The following MYO9A variants were observed in gnomAD, a reference collection of about 807,000 sequenced individuals.
MYO9A encodes unconventional myosin-IXa.
Under a neutral mutation model 293.3 loss-of-function variants are expected in MYO9A, and 103 were observed. The observed-to-expected ratio is 0.35, with a 90% confidence interval of 0.30 to 0.41. MYO9A has a LOEUF of 0.41. Among genes scored for constraint, MYO9A ranks in the 10% least tolerant of loss-of-function variants. The pLI, the probability that MYO9A is intolerant of heterozygous loss-of-function variation, is 1.00. For missense variants in MYO9A, 2,685 were observed against 3,033.0 expected (o/e 0.89, Z 2.69); for synonymous variants, 1,001 against 1,035.7 (o/e 0.97, Z 0.64).
chr15:72,055,072 T>C (rs2078682215), intron 1 of MYO9A, among the ~76,000 whole-genome samples: 1 of 152,108 alleles, frequency 6.6e-6, no homozygotes, highest in South Asian at 2.1e-4. Context: ...CAAAAGTGGG[T>C]GCTGAAAGAA....
At chr15:72,077,102 G>A (rs1204698238) in intron 1 of MYO9A, among the ~76,000 whole-genome samples, 1 of 151,928 alleles carries the variant, frequency 6.6e-6, no homozygotes, top group East Asian at 1.9e-4. Context: ...ATATCTGAGT[G>A]TACCACACAA....
chr15:71,930,168 A>G (rs1239555249), intron 18 of MYO9A, among the ~76,000 whole-genome samples: 1 of 152,124 alleles, frequency 6.6e-6, no homozygotes, highest in African/African-American at 2.4e-5. Flanking sequence ...ACGAATGTGT[A>G]TTCTGCTGCT....
At chr15:72,100,919 G>T (rs2080271235) in intron 1 of MYO9A, among the ~76,000 whole-genome samples, 1 of 125,690 alleles carries the variant, frequency 8.0e-6, no homozygotes, top group Non-Finnish European at 1.7e-5. Flanking sequence ...GGAGGGAGGT[G>T]GGGGGGGTCA....
intron 1 of MYO9A, among the ~76,000 whole-genome samples, chr15:72,101,831 C>G (rs1312331744): frequency 4.6e-4 from 68 of 149,148 alleles, no homozygotes; most frequent in African/African-American, 1.5e-3. Context: ...GGGTCAGCCC[C>G]CCGCCCGGCC....
At position 71,935,437 on chromosome 15, in the gene MYO9A, C is replaced by T; in HGVS notation, c.2426G>A (p.Ser809Asn). ...CAAGGAGGTGCCACTTGATAGTCTG[C>T]TCTGGCGAATCCCAGTTCTGCCATT... ...AWNGRTGIRQSRLSSGTSLLD... is the reference protein window; with the variant it reads ...AWNGRTGIRQNRLSSGTSLLD... The change falls in exon 17 of 42, where the codon AGC becomes AAC. Residue 809 changes from serine (S) to asparagine (N), a missense_variant. Physicochemically the swap from Ser to Asn is conservative, Grantham distance 46. Coordinates refer to ENST00000356056, the MANE Select transcript of MYO9A (RefSeq NM_006901.4). 2 of 1,613,612 alleles carry T rather than the reference C, an allele frequency of 1.2e-6. No individual in the cohort carries two copies. Among genetic ancestry groups the T allele is most frequent in the Non-Finnish European group, 1.7e-6 (2 of 1,179,690 alleles).
intron 27 of MYO9A, among the ~76,000 whole-genome samples, chr15:71,885,133 A>T (rs2056983200): frequency 6.6e-6 from 1 of 151,970 alleles, no homozygotes. Flanking sequence ...AATTCTTCTG[A>T]TATTTAGTGT....
intron 1 of MYO9A, among the ~76,000 whole-genome samples, chr15:72,117,406 G>A (rs1196437654): frequency 2.6e-5 from 4 of 152,196 alleles, no homozygotes; most frequent in Admixed American, 6.5e-5. Context: ...GACTCTGAGG[G>A]GTACTAATGG....
intron 1 of MYO9A, among the ~76,000 whole-genome samples, chr15:72,084,483 T>C (rs111994918): frequency 0.023 from 3,441 of 152,292 alleles, 124 homozygotes; most frequent in African/African-American, 0.08. Context: ...TCAAGGTTAG[T>C]ATTGATAAGT....
intron 33 of MYO9A, 88 bp from the exon 34 acceptor site, chr15:71,859,884 GT>G: frequency 1.4e-6 from 1 of 698,744 alleles, no homozygotes; most frequent in Non-Finnish European, 2.1e-6. Flanking sequence ...TTAGACCTAC[GT>G]TTTTTTCTTT....
At position 71,894,592 on chromosome 15, in the gene MYO9A, A is replaced by C. The variant is rs1260304067; in HGVS notation, c.5043-814T>G. On this transcript the variant is annotated intron_variant, in intron 25 of 41. Coordinates refer to ENST00000356056, the MANE Select transcript of MYO9A (RefSeq NM_006901.4). ...GAAACTGTCTCAAAAAAACCAAAAA[A>C]CAAACAAACAAAAAGCTTGATGTTG... Among the ~76,000 whole-genome samples, 4 of 152,186 alleles carry C rather than the reference A, an allele frequency of 2.6e-5. No individual in the cohort carries two copies. In the East Asian group the frequency reaches 5.8e-4, roughly 22 times the overall value.
rs138943843 is a variant in MYO9A, at chr15:72,057,624, T to C, written c.-71-10990A>G. The stretch of plus-strand genomic sequence containing the variant: ...ACAGTGGCTGACTACTGAGATTCTG[T>C]ACTGGAATTTTTGCTGCAACTGTCG... On this transcript the variant is annotated intron_variant, in intron 1 of 41. Transcript: ENST00000356056. Among the ~76,000 whole-genome samples, 11 of 152,338 alleles carry C rather than the reference T, an allele frequency of 7.2e-5. No homozygotes were observed. In the East Asian group the frequency reaches 1.9e-3, roughly 27 times the overall value.
intron 29 of MYO9A, 146 bp from the exon 30 acceptor site, chr15:71,879,983 C>T (rs2056823445): frequency 1.6e-6 from 1 of 622,404 alleles, no homozygotes; most frequent in Admixed American, 3.0e-5. Context: ...AAAGTTATGA[C>T]TAGACAGTCA....
chr15:71,829,261 C>A (rs1419366059), intron 40 of MYO9A, among the ~76,000 whole-genome samples: 1 of 152,084 alleles, frequency 6.6e-6, no homozygotes, highest in Non-Finnish European at 1.5e-5. Context: ...TTTTAGCTGG[C>A]CTATATTCCA....
intron 28 of MYO9A, among the ~76,000 whole-genome samples, 188 bp downstream of exon 28, chr15:71,883,406 G>T (rs551840101): frequency 6.6e-6 from 1 of 152,118 alleles, no homozygotes; most frequent in South Asian, 2.1e-4. Context: ...TGCATTTTTT[G>T]GAAACTTCTA....
chr15:71,949,428 T>TG (rs1168383289), intron 15 of MYO9A, among the ~76,000 whole-genome samples: 1 of 151,790 alleles, frequency 6.6e-6, no homozygotes, highest in African/African-American at 2.4e-5. Context: ...TTTGTTTTTT[T>TG]TTTTTTTAAC....
In MYO9A at chr15:71,826,607, G is replaced by C. The variant is rs367622547; in HGVS notation, c.7620C>G (p.Leu2540=). ...PDCTSNQQLA[L]FGNNEFMV is the part of the protein sequence containing the mutation. ...AGACCATAAATTCATTATTTCCAAAGAGTGCTAGCTGTTGGTTGGAGGTGC... is the reference window on the plus strand; with the variant it reads ...AGACCATAAATTCATTATTTCCAAACAGTGCTAGCTGTTGGTTGGAGGTGC... Residue 2540 remains leucine (L), a synonymous_variant, in exon 42 of 42, where the codon CTC becomes CTG. Transcript: ENST00000356056. The C allele has an allele frequency of 1.3e-5, 21 of 1,599,664 alleles. No homozygotes were observed. The highest frequency in any genetic ancestry group is 1.7e-5 in the Non-Finnish European group (20 of 1,175,832).
chr15:71,884,924 T>C (rs2056975456), intron 27 of MYO9A, among the ~76,000 whole-genome samples: 1 of 151,444 alleles, frequency 6.6e-6, no homozygotes, highest in Non-Finnish European at 1.5e-5. Flanking sequence ...ATCAAGTCTA[T>C]CTGGTTTTGA....
At chr15:72,031,362 T>C (rs2077864059) in intron 3 of MYO9A, among the ~76,000 whole-genome samples, 1 of 152,128 alleles carries the variant, frequency 6.6e-6, no homozygotes, top group Non-Finnish European at 1.5e-5. Context: ...GGTACACGCC[T>C]GTAGTCCCAG....
chr15:72,047,919 C>A (rs527808624), intron 1 of MYO9A, among the ~76,000 whole-genome samples: 1 of 151,212 alleles, frequency 6.6e-6, no homozygotes, highest in African/African-American at 2.4e-5. Flanking sequence ...TACAGGTGTG[C>A]GCCACCTTGC....
Sources: allele counts gnomAD v4.1 joint callset (sites outside exome capture counted in the v4.1 genomes callset), GRCh38; gene constraint gnomAD v4.1.1; transcripts MANE v1.5; gene names NCBI Gene and HGNC (gene_info 2026-07-23, HGNC 2026-07-21).